The following WNT2 variants were observed in gnomAD, a reference collection of about 807,000 sequenced individuals.
WNT2 encodes the protein Wnt family member 2.
Under a neutral mutation model 36.9 loss-of-function variants are expected in WNT2, and 12 were observed. The observed-to-expected ratio is 0.33, with a 90% confidence interval of 0.21 to 0.53. The LOEUF (loss-of-function observed/expected upper bound fraction) is 0.53. WNT2 is among the 20% of genes least tolerant of loss of function. The pLI, the probability that WNT2 is intolerant of heterozygous loss-of-function variation, is 0.95. For synonymous variants in WNT2, 163 were observed against 174.6 expected (o/e 0.93, Z 0.52); for missense variants, 379 against 473.1 (o/e 0.80, Z 1.84).
rs1794547664 is a variant in WNT2, at chr7:117,284,391, A to T, written c.854-6007T>A. Reference sequence around the variant, plus strand: ...GTGTGTGTTTTAATGAAAAGGAGCCACTGACTTTTACCAACTGCCTATTTG... The same window carrying T: ...GTGTGTGTTTTAATGAAAAGGAGCCTCTGACTTTTACCAACTGCCTATTTG... On this transcript the variant is annotated intron_variant, in intron 4 of 4. Transcript: ENST00000265441. This position sits in a 1 kb window ranked among gnomAD's most constrained non-coding sequence, Gnocchi z 5.2. Among the ~76,000 whole-genome samples the T allele has an allele frequency of 6.6e-6, 1 of 152,206 alleles. No homozygotes were observed. The highest frequency in any genetic ancestry group is 2.1e-4 in the South Asian group (1 of 4,836).
Position 117,315,355 on chromosome 7 carries a change from C to T in WNT2, c.311-7G>A, listed in dbSNP as rs1186448458. On this transcript the variant is annotated splice_polypyrimidine_tract_variant and splice_region_variant and intron_variant, in intron 2 of 4. Coordinates refer to ENST00000265441, the MANE Select transcript of WNT2 (RefSeq NM_003391.3). ...AAGGCAGATTCCCGACTACCTGAAA[C>T]AAAAATGCTTTTCTTAAAAGTGGTC... The T allele has an allele frequency of 1.9e-6, 3 of 1,605,932 alleles. No homozygotes were observed. The highest frequency in any genetic ancestry group is 1.7e-5 in the Admixed American group (1 of 58,206).
chr7:117,294,593 T>TAAA (rs5886850), intron 4 of WNT2, among the ~76,000 whole-genome samples: 1 of 128,418 alleles, frequency 7.8e-6, no homozygotes, highest in African/African-American at 2.9e-5. Context: ...AACTGGCAAC[T>TAAA]AAAAAAAAAA....
At chr7:117,311,275 A>T (rs1259127204) in intron 3 of WNT2, among the ~76,000 whole-genome samples, 1 of 152,254 alleles carries the variant, frequency 6.6e-6, no homozygotes, top group Non-Finnish European at 1.5e-5. Flanking sequence ...AAAAAAAATC[A>T]TCAGTAAACT....
rs1328436887 is a variant in WNT2, at chr7:117,284,569, G to C, written c.854-6185C>G. 6.6e-6 allele frequency among the ~76,000 whole-genome samples: 1 copy of C among 152,168 alleles called. No homozygotes were observed. The highest frequency in any genetic ancestry group is 1.5e-5 in the Non-Finnish European group (1 of 68,036). Reference sequence around the variant, plus strand: ...ACATCTATCAGCCTTAATCCCATAAGGGTGAGTTTTCACATTTTCCAAGCT... The same window carrying C: ...ACATCTATCAGCCTTAATCCCATAACGGTGAGTTTTCACATTTTCCAAGCT... On this transcript the variant is annotated intron_variant, in intron 4 of 4. Transcript: ENST00000265441. The surrounding 1 kb of genome is among the most constrained non-coding windows in gnomAD (Gnocchi z 5.2).
chr7:117,317,242 A>C (rs1350436590), intron 2 of WNT2, among the ~76,000 whole-genome samples: 1 of 152,248 alleles, frequency 6.6e-6, no homozygotes, highest in African/African-American at 2.4e-5. Flanking sequence ...TTTCGAAAGC[A>C]ACAAGAGAAA....
chr7:117,302,699 C>T (rs574210492), intron 3 of WNT2, among the ~76,000 whole-genome samples: 11 of 152,120 alleles, frequency 7.2e-5, no homozygotes, highest in South Asian at 4.2e-4. Context: ...AAGCAAATTA[C>T]GGTATATGCT....
intron 4 of WNT2, among the ~76,000 whole-genome samples, chr7:117,292,025 C>T (rs1409572292): frequency 6.6e-6 from 1 of 152,200 alleles, no homozygotes; most frequent in Non-Finnish European, 1.5e-5. Flanking sequence ...GAGCCGCCCT[C>T]CTCGGCCTCC....
At chr7:117,318,556 T>C (rs896673528) in intron 2 of WNT2, among the ~76,000 whole-genome samples, 8 of 152,238 alleles carry the variant, frequency 5.3e-5, no homozygotes, top group African/African-American at 1.9e-4. Context: ...TTAAACTAGT[T>C]CTGTTTCCTC....
chr7:117,305,903 G>A (rs559605030), intron 3 of WNT2, among the ~76,000 whole-genome samples: 4 of 152,250 alleles, frequency 2.6e-5, no homozygotes, highest in East Asian at 1.9e-4. Flanking sequence ...CGACTTCCGC[G>A]GAGTTCTGCT....
chr7:117,315,676 T>TG (rs1795201955), intron 2 of WNT2, among the ~76,000 whole-genome samples: 1 of 152,240 alleles, frequency 6.6e-6, no homozygotes, highest in Non-Finnish European at 1.5e-5. Flanking sequence ...CAGAGAGCTC[T>TG]AGATGTCCTA....
At chr7:117,288,358 A>G (rs1034840100) in intron 4 of WNT2, among the ~76,000 whole-genome samples, 1 of 152,234 alleles carries the variant, frequency 6.6e-6, no homozygotes, top group African/African-American at 2.4e-5. Context: ...CCATTAGTCC[A>G]ATTGGAGAAA....
At chr7:117,303,881 C>A (rs1466553265) in intron 3 of WNT2, among the ~76,000 whole-genome samples, 1 of 152,164 alleles carries the variant, frequency 6.6e-6, no homozygotes, top group Non-Finnish European at 1.5e-5. Context: ...CGTTTTCCAC[C>A]TCACAATTGT....
At chr7:117,315,801 CT>C (rs1318357181) in intron 2 of WNT2, among the ~76,000 whole-genome samples, 1 of 152,200 alleles carries the variant, frequency 6.6e-6, no homozygotes, top group Non-Finnish European at 1.5e-5. Context: ...TCAAAATATC[CT>C]TCCAAACCTC....
chr7:117,305,820 G>C (rs1379270443), intron 3 of WNT2, among the ~76,000 whole-genome samples: 1 of 152,158 alleles, frequency 6.6e-6, no homozygotes, highest in Non-Finnish European at 1.5e-5. Context: ...CTACACACAG[G>C]TGCCACTGCA....
rs774753037 is a variant in WNT2, at chr7:117,315,341, C to T, written c.318G>A (p.Arg106=). ...AGATGGCATAAACAAAGGCAGATTC[C>T]CGACTACCTGAAACAAAAATGCTTT... ...LFGRVLLRSS[R]ESAFVYAISS... The change falls in exon 3 of 5, where the codon CGG becomes CGA. Residue 106 remains arginine (R), a synonymous_variant. Coordinates refer to ENST00000265441, the MANE Select transcript of WNT2 (RefSeq NM_003391.3). The T allele has an allele frequency of 3.1e-6, 5 of 1,611,616 alleles. No individual in the cohort carries two copies. In the South Asian group the frequency reaches 5.5e-5, roughly 18 times the overall value.
intron 1 of WNT2, among the ~76,000 whole-genome samples, chr7:117,321,076 C>T (rs949800483): frequency 1.4e-4 from 22 of 152,140 alleles, no homozygotes; most frequent in African/African-American, 5.3e-4. Context: ...GGCAGGGGCA[C>T]AGAGGCAAAG....
chr7:117,297,744 C>A lies in WNT2; in HGVS notation c.721G>T (p.Ala241Ser), dbSNP rs539110813. Residue 241 changes from alanine (A) to serine (S), a missense_variant, in exon 4 of 5, where the codon GCC becomes TCC. By Grantham distance (99) the Ala-to-Ser change is moderately conservative (BLOSUM62 1). Coordinates refer to ENST00000265441, the MANE Select transcript of WNT2 (RefSeq NM_003391.3). ...TCCTGGTTCATGACCACCTGGATGG[C>A]CCCATTGTACTTCCTCCAGAGATAA... ...GDYLWRKYNG[A>S]IQVVMNQDGT... 1 of 1,614,124 alleles carries A rather than the reference C, an allele frequency of 6.2e-7. No homozygotes were observed. Among genetic ancestry groups the A allele is most frequent in the South Asian group, 1.1e-5 (1 of 91,078 alleles).
At chr7:117,296,806 C>T (rs1477672035) in intron 4 of WNT2, among the ~76,000 whole-genome samples, 1 of 152,132 alleles carries the variant, frequency 6.6e-6, no homozygotes, top group Non-Finnish European at 1.5e-5. Flanking sequence ...AATGGTGTGG[C>T]TTTAATAAAT....
rs1178397373 is a variant in WNT2 at position 117,322,596 on chromosome 7, G to A, written c.83+311C>T. ...ACGTCTGTGCTAGAGCTGGAGACCA[G>A]GCTAGCACGTCTCTCAACAGGATAA... On this transcript the variant is annotated intron_variant, in intron 1 of 4. Coordinates refer to ENST00000265441, the MANE Select transcript of WNT2 (RefSeq NM_003391.3). This position sits in a 1 kb window ranked among gnomAD's most constrained non-coding sequence, Gnocchi z 5.4. 6.7e-6 allele frequency among the ~76,000 whole-genome samples: 1 copy of A among 150,150 alleles called. No individual in the cohort carries two copies. Among genetic ancestry groups the A allele is most frequent in the Non-Finnish European group, 1.5e-5 (1 of 67,792 alleles).
Sources: gnomAD v4.1 joint callset for allele counts (sites outside exome capture counted in the v4.1 genomes callset) on GRCh38, gnomAD v4.1.1 for gene constraint, Gnocchi (gnomAD v3.1) non-coding constraint, MANE v1.5 for transcripts, NCBI Gene and HGNC (gene_info 2026-07-23, HGNC 2026-07-21) for gene names.